MARCHF1: variants seen among roughly 807,000 people sequenced by gnomAD.
The protein encoded by MARCHF1 is E3 ubiquitin-protein ligase MARCHF1.
MARCHF1 carries 40 observed loss-of-function variants against 54.2 expected under a neutral mutation model. The ratio of observed to expected loss-of-function variants is 0.74; its 90% CI spans 0.57 to 0.96. The LOEUF (loss-of-function observed/expected upper bound fraction) is 0.96, where lower values mean the gene tolerates loss of function less well. MARCHF1 is among the 40% of genes least tolerant of loss of function. The pLI is 0.00. For synonymous variants in MARCHF1, 236 were observed against 236.3 expected, an observed-to-expected ratio of 1.00 and a Z score of 0.01; for missense variants, 586 against 656.5, an observed-to-expected ratio of 0.89 and a Z score of 1.17.
intron 3 of MARCHF1, among the ~76,000 whole-genome samples, chr4:163,878,157 G>A (rs1384062738): frequency 6.6e-6 from 1 of 152,094 alleles, no homozygotes; most frequent in African/African-American, 2.4e-5. Flanking sequence ...GGGCCTTGTA[G>A]TTACACACAC....
At chr4:164,075,781 A>G (rs1373474302) in intron 2 of MARCHF1, among the ~76,000 whole-genome samples, 2 of 152,180 alleles carry the variant, frequency 1.3e-5, no homozygotes, top group Non-Finnish European at 1.5e-5. Context: ...CTAAGATGCC[A>G]TCTCCCCTTA....
At chr4:164,273,300 T>C (rs1323922486) in intron 1 of MARCHF1, among the ~76,000 whole-genome samples, 1 of 152,098 alleles carries the variant, frequency 6.6e-6, no homozygotes, top group Admixed American at 6.6e-5. Flanking sequence ...TAATCCCTTA[T>C]AAAACCATCA....
intron 2 of MARCHF1, among the ~76,000 whole-genome samples, chr4:164,058,905 G>T (rs957140015): frequency 2.6e-5 from 4 of 152,202 alleles, no homozygotes; most frequent in African/African-American, 9.6e-5. Flanking sequence ...TGTGTATTCA[G>T]AGATGTTGCC....
intron 4 of MARCHF1, among the ~76,000 whole-genome samples, chr4:163,816,437 T>A (rs1219459116): frequency 6.6e-6 from 1 of 151,748 alleles, no homozygotes; most frequent in Non-Finnish European, 1.5e-5. Context: ...CCTTCATACA[T>A]ACAAGGGGAA....
chr4:163,551,315 A>G (rs1191322917), intron 8 of MARCHF1, among the ~76,000 whole-genome samples: 1 of 152,204 alleles, frequency 6.6e-6, no homozygotes, highest in Non-Finnish European at 1.5e-5. Context: ...AATTTCAAAT[A>G]CTCTGGGAGA....
chr4:164,218,905 A>G (rs1447293755), intron 1 of MARCHF1, among the ~76,000 whole-genome samples: 1 of 152,086 alleles, frequency 6.6e-6, no homozygotes, highest in Admixed American at 6.6e-5. Flanking sequence ...AACTCCTTGC[A>G]AGAAAATTGG....
chr4:163,929,943 A>ATATTGTATATAT (rs1560823636), intron 3 of MARCHF1, among the ~76,000 whole-genome samples: 1 of 7,632 alleles, frequency 1.3e-4, no homozygotes, highest in African/African-American at 1.4e-4. Flanking sequence ...TTATATATTT[A>ATATTGTATATAT]TATTATATAT....
At chr4:164,308,898 C>T (rs911848921) in intron 1 of MARCHF1, among the ~76,000 whole-genome samples, 14 of 150,746 alleles carry the variant, frequency 9.3e-5, no homozygotes, top group African/African-American at 3.4e-4. Flanking sequence ...TACAACAAAA[C>T]CCTGTGACAC....
At chr4:163,607,365 T>A (rs1511778) in intron 7 of MARCHF1, among the ~76,000 whole-genome samples, 115,219 of 151,982 alleles carry the variant, frequency 0.76, 45,092 homozygotes, top group Non-Finnish European at 0.85. Flanking sequence ...GAAAGAAATG[T>A]CAGTACTTTG....
At chr4:164,042,178 A>G (rs1754143487) in intron 2 of MARCHF1, among the ~76,000 whole-genome samples, 1 of 152,140 alleles carries the variant, frequency 6.6e-6, no homozygotes, top group South Asian at 2.1e-4. Context: ...GGATCCAAGA[A>G]TGAGACCACT....
chr4:163,624,618 T>C (rs1678447945), intron 5 of MARCHF1, among the ~76,000 whole-genome samples: 3 of 152,206 alleles, frequency 2.0e-5, no homozygotes, highest in Admixed American at 2.0e-4. Flanking sequence ...GTCCTCAGCA[T>C]AAGCTGCACA....
chr4:163,770,555 CACACACACAA>C (rs1363852831), intron 4 of MARCHF1, among the ~76,000 whole-genome samples: 1 of 137,010 alleles, frequency 7.3e-6, no homozygotes, highest in South Asian at 2.2e-4. Context: ...CACACACACA[CACACACACAA>C]ACACACACAC....
chr4:163,626,550 G>T (rs1017701792), intron 5 of MARCHF1, among the ~76,000 whole-genome samples: 12 of 152,160 alleles, frequency 7.9e-5, no homozygotes, highest in African/African-American at 2.9e-4. Context: ...TGCTGCAGAA[G>T]ATTCTTTTTT....
chr4:163,788,115 C>A (rs890746714), intron 4 of MARCHF1, among the ~76,000 whole-genome samples: 1 of 151,462 alleles, frequency 6.6e-6, no homozygotes, highest in Admixed American at 6.6e-5. Context: ...TTCAGATTTG[C>A]GTGATGGAAA....
At chr4:164,090,301 G>C (rs1432936367) in intron 2 of MARCHF1, among the ~76,000 whole-genome samples, 1 of 151,064 alleles carries the variant, frequency 6.6e-6, no homozygotes, top group Non-Finnish European at 1.5e-5. Flanking sequence ...CAAACTATTT[G>C]GAAAGAAAAT....
intron 1 of MARCHF1, among the ~76,000 whole-genome samples, chr4:164,320,169 T>C (rs1735104304): frequency 6.6e-6 from 1 of 152,190 alleles, no homozygotes; most frequent in Non-Finnish European, 1.5e-5. Flanking sequence ...GGAGAAATGA[T>C]GGAAACCAAA....
intron 5 of MARCHF1, among the ~76,000 whole-genome samples, chr4:163,665,286 A>G (rs932772939): frequency 3.3e-5 from 5 of 152,092 alleles, no homozygotes; most frequent in Non-Finnish European, 5.9e-5. Flanking sequence ...TAATTGCGTA[A>G]AAGGTTCTTT....
intron 1 of MARCHF1, among the ~76,000 whole-genome samples, chr4:164,334,262 CATAG>C (rs760928096): frequency 6.6e-6 from 1 of 152,168 alleles, no homozygotes; most frequent in Non-Finnish European, 1.5e-5. Context: ...TTAGGAGTTT[CATAG>C]ATAGAGAGAG....
intron 4 of MARCHF1, among the ~76,000 whole-genome samples, chr4:163,831,902 C>A (rs886412378): frequency 6.6e-6 from 1 of 152,178 alleles, no homozygotes; most frequent in Admixed American, 6.5e-5. Context: ...GGTCCTCATA[C>A]ATGCACCACA....
Sources: gnomAD v4.1 joint callset for allele counts (sites outside exome capture counted in the v4.1 genomes callset) on GRCh38, gnomAD v4.1.1 for gene constraint, MANE v1.5 for transcripts, NCBI Gene and HGNC (gene_info 2026-07-23, HGNC 2026-07-21) for gene names.